Variants in RFX3 observed in about 807,000 individuals in gnomAD.
RFX3 encodes the protein regulatory factor X3, also known as transcription factor RFX3.
A neutral mutation model predicts 98.6 loss-of-function variants in RFX3; 14 were observed. That is an observed-to-expected ratio of 0.14 (90% CI 0.09 to 0.22). The LOEUF (loss-of-function observed/expected upper bound fraction) is 0.22. Ranked by LOEUF, RFX3 falls within the 10% of genes least tolerant of loss-of-function variation. The pLI is 1.00. For missense variants in RFX3, 639 were observed against 926.9 expected, an observed-to-expected ratio of 0.69 and a Z score of 4.03; for synonymous variants, 383 against 328.4, an observed-to-expected ratio of 1.17 and a Z score of -1.80.
At chr9:3,456,383 C>G (rs187536134) in intron 1 of RFX3, among the ~76,000 whole-genome samples, 1 of 152,334 alleles carries the variant, frequency 6.6e-6, no homozygotes, top group African/African-American at 2.4e-5. Flanking sequence ...ATCAGTATTA[C>G]AGACCATCTT....
At chr9:3,311,315 G>C (rs1357102775) in intron 4 of RFX3, among the ~76,000 whole-genome samples, 1 of 152,166 alleles carries the variant, frequency 6.6e-6, no homozygotes, top group Non-Finnish European at 1.5e-5. Flanking sequence ...CTTGAGATCA[G>C]GTAAGACAGA....
At chr9:3,515,987 T>C (rs1237390302) in intron 1 of RFX3, among the ~76,000 whole-genome samples, 1 of 152,192 alleles carries the variant, frequency 6.6e-6, no homozygotes, top group East Asian at 1.9e-4. Flanking sequence ...TGCTTCCTCT[T>C]TTAGCCTGCT....
At chr9:3,332,504 G>T (rs1832709178) in intron 3 of RFX3, among the ~76,000 whole-genome samples, 2 of 152,144 alleles carry the variant, frequency 1.3e-5, no homozygotes, top group South Asian at 2.1e-4. Context: ...TGATCAACCT[G>T]TAATTGCCTT....
chr9:3,270,114 G>T (rs1407558702), intron 11 of RFX3, among the ~76,000 whole-genome samples: 1 of 142,060 alleles, frequency 7.0e-6, no homozygotes, highest in Non-Finnish European at 1.6e-5. Context: ...AAGAAAGAAA[G>T]AAAGAAAGAA....
intron 1 of RFX3, among the ~76,000 whole-genome samples, chr9:3,451,910 T>G (rs1252863817): frequency 6.6e-5 from 10 of 152,082 alleles, no homozygotes; most frequent in Admixed American, 6.5e-4. Flanking sequence ...TAGAAACCCT[T>G]AGTCAATTTT....
At chr9:3,361,661 GA>G (rs71324242) in intron 2 of RFX3, among the ~76,000 whole-genome samples, 18,956 of 87,738 alleles carry the variant, frequency 0.22, 2,694 homozygotes, top group African/African-American at 0.47. Flanking sequence ...GTTTCTTTAG[GA>G]AAAAAAAAAA....
chr9:3,399,807 G>T (rs529521463), intron 1 of RFX3, among the ~76,000 whole-genome samples: 32 of 151,772 alleles, frequency 2.1e-4, no homozygotes, highest in Non-Finnish European at 3.8e-4. Context: ...AAATTAGCCA[G>T]GCATGGTGGT....
chr9:3,387,273 A>T (rs1426275387), intron 2 of RFX3, among the ~76,000 whole-genome samples: 1 of 152,114 alleles, frequency 6.6e-6, no homozygotes, highest in Non-Finnish European at 1.5e-5. Flanking sequence ...TACCATGTCA[A>T]ATTTTCTTAG....
At chr9:3,277,969 T>C (rs576091818) in intron 7 of RFX3, among the ~76,000 whole-genome samples, 2 of 152,088 alleles carry the variant, frequency 1.3e-5, no homozygotes, top group South Asian at 4.2e-4. Context: ...TCTCAACACA[T>C]TTATCTCCAT....
At chr9:3,377,147 A>G (rs1254083975) in intron 2 of RFX3, among the ~76,000 whole-genome samples, 1 of 152,234 alleles carries the variant, frequency 6.6e-6, no homozygotes, top group East Asian at 1.9e-4. Flanking sequence ...ATGCACACGT[A>G]TGTTTATTGC....
At chr9:3,416,357 C>G (rs556054311) in intron 1 of RFX3, among the ~76,000 whole-genome samples, 3 of 152,250 alleles carry the variant, frequency 2.0e-5, no homozygotes, top group African/African-American at 7.2e-5. Flanking sequence ...GAGTTCAAAT[C>G]CAGGTGTAAC....
At chr9:3,440,152 T>C (rs1344849454) in intron 1 of RFX3, among the ~76,000 whole-genome samples, 1 of 152,078 alleles carries the variant, frequency 6.6e-6, no homozygotes, top group African/African-American at 2.4e-5. Flanking sequence ...TAACATCATA[T>C]TTAAAGATGA....
At chr9:3,392,007 C>A (rs1309580537) in intron 2 of RFX3, among the ~76,000 whole-genome samples, 1 of 152,114 alleles carries the variant, frequency 6.6e-6, no homozygotes, top group Admixed American at 6.6e-5. Context: ...GGCAGCCAAG[C>A]ATTCCCCCAC....
In RFX3 at chr9:3,330,503, T is replaced by C; in HGVS notation, c.230A>G (p.Tyr77Cys). The C allele has an allele frequency of 1.2e-6, 2 of 1,607,090 alleles. No homozygotes were observed. The highest frequency in any genetic ancestry group is 1.7e-6 in the Non-Finnish European group (2 of 1,174,170). Reference protein sequence around the residue: ...YTNGAIRTTTYPYTETQMYSQ... With the variant: ...YTNGAIRTTTCPYTETQMYSQ... ...GTACATCTGTGTCTCTGTGTAAGGA[T>C]ACGTTGTTGTTCGGCTTTAGAAGAA... Residue 77 changes from tyrosine to cysteine, a missense_variant, in exon 4 of 17, where the codon TAT becomes TGT. Physicochemically the swap from Tyr to Cys is radical, Grantham distance 194 (BLOSUM62 -2). This residue lies in a region of RFX3 where 210 missense variants were observed against 197.7 expected (regional missense o/e 1.06). Coordinates refer to ENST00000617270, the MANE Select transcript of RFX3 (RefSeq NM_001282116.2).
At chr9:3,438,066 C>T (rs1845308043) in intron 1 of RFX3, among the ~76,000 whole-genome samples, 1 of 151,960 alleles carries the variant, frequency 6.6e-6, no homozygotes, top group Admixed American at 6.6e-5. Flanking sequence ...TGGCCATCTC[C>T]AAGATGTTCT....
intron 14 of RFX3, among the ~76,000 whole-genome samples, chr9:3,250,755 A>T (rs1821289102): frequency 6.6e-6 from 1 of 152,136 alleles, no homozygotes; most frequent in East Asian, 1.9e-4. Flanking sequence ...ATTTTATGCA[A>T]TCATTAAAAA....
At chr9:3,257,936 G>C (rs564707721) in intron 13 of RFX3, among the ~76,000 whole-genome samples, 52 of 152,302 alleles carry the variant, frequency 3.4e-4, no homozygotes, top group African/African-American at 1.2e-3. Context: ...TAACAGCAAT[G>C]AAAATAGGAA....
At chr9:3,391,618 G>T (rs555123724) in intron 2 of RFX3, among the ~76,000 whole-genome samples, 16 of 152,266 alleles carry the variant, frequency 1.1e-4, no homozygotes, top group African/African-American at 3.9e-4. Context: ...CCAAAGTGTG[G>T]TCCAGGTGTA....
chr9:3,488,682 A>G, intron 1 of RFX3: 1 of 545,620 alleles, frequency 1.8e-6, no homozygotes, highest in Non-Finnish European at 2.3e-6. Flanking sequence ...AAGGCCTTAG[A>G]CACAAAACTA....
Sources: gnomAD v4.1 joint callset for allele counts (sites outside exome capture counted in the v4.1 genomes callset) on GRCh38, gnomAD v4.1.1 for gene constraint, gnomAD v4.1.1 regional missense constraint, MANE v1.5 for transcripts, NCBI Gene and HGNC (gene_info 2026-07-23, HGNC 2026-07-21) for gene names.